The following MYSM1 variants were observed in gnomAD, a reference collection of about 807,000 sequenced individuals.
The protein encoded by MYSM1 is Myb like, SWIRM and MPN domains 1.
MYSM1 carries 51 observed loss-of-function variants against 116.0 expected under a neutral mutation model. That is an observed-to-expected ratio of 0.44 (90% CI 0.35 to 0.56). The LOEUF (loss-of-function observed/expected upper bound fraction) is 0.56, where lower values mean the gene tolerates loss of function less well. Among genes scored for constraint, MYSM1 ranks in the 20% least tolerant of loss-of-function variants. MYSM1 has a pLI of 0.00. For synonymous variants in MYSM1, 313 were observed against 315.2 expected, an observed-to-expected ratio of 0.99 and a Z score of 0.07; for missense variants, 900 against 974.9, an observed-to-expected ratio of 0.92 and a Z score of 1.02.
In MYSM1 at chr1:58,690,326, T is replaced by A; in HGVS notation, c.296+14A>T. ...ACAATCCAGACTTTTAGAAATATTA[T>A]AAATTGATTTTACCTCTTCATGTAT... On this transcript the variant is annotated intron_variant, in intron 4 of 19. Transcript: ENST00000472487. 1.9e-6 allele frequency: 3 copies of A among 1,592,748 alleles called. No individual in the cohort carries two copies. The highest frequency in any genetic ancestry group is 2.6e-6 in the Non-Finnish European group (3 of 1,170,844).
intron 19 of MYSM1, 23 bp from the exon 20 acceptor site, chr1:58,660,178 T>C (rs1271146578): frequency 2.7e-6 from 4 of 1,473,400 alleles, no homozygotes; most frequent in Non-Finnish European, 3.6e-6. Flanking sequence ...AAAAGTTTTA[T>C]ATTTAAATAC....
intron 10 of MYSM1, 84 bp from the exon 11 acceptor site, chr1:58,673,734 T>G: frequency 8.8e-7 from 1 of 1,142,724 alleles, no homozygotes; most frequent in Non-Finnish European, 1.3e-6. Context: ...ATGAAAACAA[T>G]AATTATCTAA....
chr1:58,698,408 A>T (rs926220991), intron 1 of MYSM1, among the ~76,000 whole-genome samples: 23 of 151,858 alleles, frequency 1.5e-4, no homozygotes, highest in Non-Finnish European at 1.2e-4. Flanking sequence ...CCCAGAATAT[A>T]ATATTAATGA....
intron 6 of MYSM1, among the ~76,000 whole-genome samples, chr1:58,687,725 G>A (rs1354085762): frequency 6.6e-6 from 1 of 152,066 alleles, no homozygotes; most frequent in African/African-American, 2.4e-5. Flanking sequence ...ACATCCCGCC[G>A]GAACAAGGGC....
intron 7 of MYSM1, among the ~76,000 whole-genome samples, chr1:58,684,769 T>G (rs1162253515): frequency 6.6e-6 from 1 of 152,150 alleles, no homozygotes; most frequent in Non-Finnish European, 1.5e-5. Flanking sequence ...GGATAGCATT[T>G]ACCTCCTGTA....
chr1:58,672,172 C>T (rs934043063), intron 11 of MYSM1, among the ~76,000 whole-genome samples: 1 of 152,180 alleles, frequency 6.6e-6, no homozygotes, highest in African/African-American at 2.4e-5. Flanking sequence ...TGAAAATTTA[C>T]TCCTTCTCTT....
intron 6 of MYSM1, among the ~76,000 whole-genome samples, chr1:58,687,556 G>A (rs1213361415): frequency 6.6e-6 from 1 of 152,156 alleles, no homozygotes; most frequent in African/African-American, 2.4e-5. Flanking sequence ...CTGCTATTTT[G>A]CAGACCTTTG....
intron 18 of MYSM1, 29 bp downstream of exon 18, chr1:58,661,377 G>A (rs750714164): frequency 2.9e-6 from 4 of 1,402,934 alleles, no homozygotes; most frequent in African/African-American, 1.4e-5. Context: ...CACTGCAGAT[G>A]TGCAACCATC....
chr1:58,676,879 G>A, intron 9 of MYSM1, 47 bp downstream of exon 9: 1 of 1,590,226 alleles, frequency 6.3e-7, no homozygotes, highest in African/African-American at 1.3e-5. Context: ...AGTGCTGTAA[G>A]GATAAAAAAT....
chr1:58,688,366 A>G (rs975215645), intron 6 of MYSM1, among the ~76,000 whole-genome samples: 9 of 151,684 alleles, frequency 5.9e-5, no homozygotes, highest in Non-Finnish European at 1.5e-5. Context: ...GAACATTACT[A>G]GGTATCATGC....
chr1:58,682,550 T>C lies in MYSM1; in HGVS notation c.499-5A>G, dbSNP rs1401380244. 4 of 1,558,324 alleles carry C rather than the reference T, an allele frequency of 2.6e-6. No homozygotes were observed. Among genetic ancestry groups the C allele is most frequent in the Non-Finnish European group, 3.5e-6 (4 of 1,156,788 alleles). On this transcript the variant is annotated splice_region_variant and splice_polypyrimidine_tract_variant and intron_variant, in intron 7 of 19. Transcript: ENST00000472487. ...TTTATCCAGACCGCATTTGACCTTA[T>C]TAAAAATCAAAATAAAATCCCCATA...
At chr1:58,688,053 T>C (rs977096910) in intron 6 of MYSM1, among the ~76,000 whole-genome samples, 5 of 151,910 alleles carry the variant, frequency 3.3e-5, no homozygotes, top group Non-Finnish European at 5.9e-5. Flanking sequence ...AATAAATGAT[T>C]AATTAAAGTT....
chr1:58,669,848 A>AG, intron 12 of MYSM1, among the ~76,000 whole-genome samples: 1 of 148,144 alleles, frequency 6.8e-6, no homozygotes, highest in Non-Finnish European at 1.5e-5. Context: ...AAAAAAAAAA[A>AG]AAAAAAAAAA....
chr1:58,689,115 C>A lies in MYSM1; in HGVS notation c.322G>T (p.Val108Leu), dbSNP rs762257713. The change falls in exon 6 of 20, where the codon GTA becomes TTA. Residue 108 changes from valine (V) to leucine (L), a missense_variant and splice_region_variant. Transcript: ENST00000472487. ...CTGGCTGGTTTTGTAGGAGAGTGTA[C>A]CCTGAGGGGAAAAAAAGGAATTGCA... Reference protein sequence around the residue: ...KSLQKTAKIMVHSPTKPASYS... With the variant: ...KSLQKTAKIMLHSPTKPASYS... 1 of 1,588,786 alleles carries A rather than the reference C, an allele frequency of 6.3e-7. No homozygotes were observed. Among genetic ancestry groups the A allele is most frequent in the Non-Finnish European group, 8.5e-7 (1 of 1,174,004 alleles).
At chr1:58,679,821 AG>A (rs1644710967) in intron 8 of MYSM1, among the ~76,000 whole-genome samples, 1 of 151,542 alleles carries the variant, frequency 6.6e-6, no homozygotes, top group Non-Finnish European at 1.5e-5. Flanking sequence ...TGAGGTCAGG[AG>A]TTCTAGACCA....
At chr1:58,674,460 T>C (rs973186226) in intron 10 of MYSM1, among the ~76,000 whole-genome samples, 1 of 152,200 alleles carries the variant, frequency 6.6e-6, no homozygotes, top group African/African-American at 2.4e-5. Flanking sequence ...CCAGCAACTC[T>C]AATTGATAAC....
intron 7 of MYSM1, 144 bp from the exon 8 acceptor site, chr1:58,682,689 TTTTTC>T (rs1644766133): frequency 2.0e-5 from 6 of 301,816 alleles, no homozygotes; most frequent in Non-Finnish European, 3.1e-5. Context: ...GCTTTTCTTT[TTTTTC>T]TTTTCTTTTT....
intron 16 of MYSM1, among the ~76,000 whole-genome samples, chr1:58,666,034 G>A (rs997642322): frequency 6.6e-6 from 1 of 151,914 alleles, no homozygotes; most frequent in Admixed American, 6.6e-5. Context: ...TCTAGCCTGG[G>A]TGACAGAGTA....
At chr1:58,698,622 T>C (rs1645017588) in intron 1 of MYSM1, among the ~76,000 whole-genome samples, 1 of 152,148 alleles carries the variant, frequency 6.6e-6, no homozygotes, top group Non-Finnish European at 1.5e-5. Context: ...AGGTGACCAA[T>C]CTTCAGTGTT....
Sources: gnomAD v4.1 joint callset for allele counts (sites outside exome capture counted in the v4.1 genomes callset) on GRCh38, gnomAD v4.1.1 for gene constraint, MANE v1.5 for transcripts, NCBI Gene and HGNC (gene_info 2026-07-23, HGNC 2026-07-21) for gene names.